OR6J1: variants seen among roughly 807,000 people sequenced by gnomAD.
OR6J1 encodes the protein olfactory receptor 6J1.
For synonymous variants in OR6J1, 109 were observed against 70.0 expected (o/e 1.56, Z -2.78); for missense variants, 304 against 166.8 (o/e 1.82, Z -4.53).
chr14:22,642,339 ATATATATATATAT>A (rs2037658799), intron 1 of OR6J1, among the ~76,000 whole-genome samples: 1 of 70,202 alleles, frequency 1.4e-5, no homozygotes, highest in Non-Finnish European at 3.0e-5. Context: ...ATATATATAT[ATATATATATATAT>A]ATTTGAGATG....
chr14:22,640,945 G>A (rs549108171), intron 1 of OR6J1, among the ~76,000 whole-genome samples: 4 of 151,060 alleles, frequency 2.6e-5, no homozygotes, highest in African/African-American at 7.3e-5. Context: ...GAGGTGGGAG[G>A]ATGACTTAAG....
chr14:22,643,787 AG>A (rs2037670742), intron 1 of OR6J1, among the ~76,000 whole-genome samples: 16 of 150,906 alleles, frequency 1.1e-4, no homozygotes, highest in African/African-American at 3.7e-4. Context: ...AGAGAGAGAG[AG>A]AGAGAGAGAG....
intron 1 of OR6J1, among the ~76,000 whole-genome samples, chr14:22,635,239 G>T (rs2037575859): frequency 6.6e-6 from 1 of 152,000 alleles, no homozygotes. Context: ...TGAAAATTTG[G>T]CAACAACTTT....
chr14:22,634,193 G>A lies in OR6J1; in HGVS notation c.619C>T (p.Leu207Phe). ...MDFMLSSMVILCCIVLVAYSY... is the reference protein window; with the variant it reads ...MDFMLSSMVIFCCIVLVAYSY... ...TAGGCCACGAGGACTATGCAGCAGA[G>A]GATGACCATGGAAGAAAGCATAAAA... Residue 207 changes from leucine to phenylalanine, a missense_variant, in exon 2 of 2, where the codon CTC (leucine) becomes TTC (phenylalanine). Leu to Phe is a conservative substitution (Grantham distance 22). Transcript: ENST00000540461. 1.4e-6 allele frequency: 1 copy of A among 703,490 alleles called. No homozygotes were observed. The highest frequency in any genetic ancestry group is 1.5e-5 in the South Asian group (1 of 67,592). 43.6% of individuals were successfully genotyped at this position (703,490 alleles called of 1,614,324 possible).
rs973734061 is a variant in OR6J1, at chr14:22,644,143, A to G, written c.-73T>C. The G allele has an allele frequency of 2.6e-5, 4 of 152,426 alleles. No homozygotes were observed. The highest frequency in any genetic ancestry group is 2.0e-4 in the Admixed American group (3 of 15,284). 9.4% of individuals were successfully genotyped at this position (152,426 alleles called of 1,614,324 possible). On this transcript the variant is annotated 5_prime_UTR_variant, in exon 1 of 2. Transcript: ENST00000540461. ...GCCACCTCCACGGCTCAGTCTGTTC[A>G]CCTGGGATTTGCTGCCACCTAGGAT... is the stretch of plus-strand genomic sequence containing the variant.
Position 22,630,972 on chromosome 14 carries a change from T to C in OR6J1, c.*2796A>G, listed in dbSNP as rs1203408126. On this transcript the variant is annotated 3_prime_UTR_variant, in exon 2 of 2. Coordinates refer to ENST00000540461, the MANE Select transcript of OR6J1 (RefSeq NM_001348233.2). ...AGCCGGGGGAGACATCACATGTCAC[T>C]AGGTTCCATGATGCCCCCCAAGCCA... The C allele has an allele frequency of 1.3e-5, 2 of 152,110 alleles. No individual in the cohort carries two copies. The highest frequency in any genetic ancestry group is 2.9e-5 in the Non-Finnish European group (2 of 68,014). 9.4% of individuals were successfully genotyped at this position (152,110 alleles called of 1,614,324 possible).
At chr14:22,640,240 TGGAAGGAAGGAAGGAAGCAAGGAAGGAA>T (rs2037633985) in intron 1 of OR6J1, among the ~76,000 whole-genome samples, 1 of 56,550 alleles carries the variant, frequency 1.8e-5, no homozygotes, top group Admixed American at 2.4e-4. Context: ...GAAGGAAGGA[TGGAAGGAAGGAAGGAAGCAAGGAAGGAA>T]GGAAGGAAGG....
At position 22,631,183 on chromosome 14, in the gene OR6J1, T is replaced by C. The variant is rs2037542896; in HGVS notation, c.*2585A>G. 1 of 152,174 alleles carries C rather than the reference T, an allele frequency of 6.6e-6. No individual in the cohort carries two copies. The highest frequency in any genetic ancestry group is 1.5e-5 in the Non-Finnish European group (1 of 68,018). The allele number at this position is 152,174 out of a possible 1,614,324, so 9.4% of individuals were successfully genotyped here. A position where few individuals can be genotyped will look rare whatever the true frequency, so the allele number is the denominator to read the frequency against. On this transcript the variant is annotated 3_prime_UTR_variant, in exon 2 of 2. Transcript: ENST00000540461. ...ATTGCTAATGAAGTTTCGGGCACCA[T>C]TGTCATTGATAACATCTTATCAGGA...
At chr14:22,635,452 T>C (rs1301663729) in intron 1 of OR6J1, among the ~76,000 whole-genome samples, 1 of 152,220 alleles carries the variant, frequency 6.6e-6, no homozygotes, top group Non-Finnish European at 1.5e-5. Flanking sequence ...TAAAGCAAGT[T>C]ACAAACTTGT....
At chr14:22,641,567 A>G (rs969068959) in intron 1 of OR6J1, among the ~76,000 whole-genome samples, 75 of 149,372 alleles carry the variant, frequency 5.0e-4, no homozygotes, top group East Asian at 1.4e-3. Context: ...AGAAAAAGAA[A>G]AAAGAAAGAA....
chr14:22,635,997 G>A (rs1252193463), intron 1 of OR6J1, among the ~76,000 whole-genome samples: 1 of 151,828 alleles, frequency 6.6e-6, no homozygotes, highest in South Asian at 2.1e-4. Flanking sequence ...TAAAGTTAAA[G>A]GCAAATCACA....
chr14:22,643,946 G>C (rs1363593259), intron 1 of OR6J1, among the ~76,000 whole-genome samples, 152 bp downstream of exon 1: 1 of 152,160 alleles, frequency 6.6e-6, no homozygotes, highest in Non-Finnish European at 1.5e-5. Flanking sequence ...ATACATCTTT[G>C]CATAAGGTGC....
In OR6J1 at chr14:22,633,868, A is replaced by C. The variant is rs138534301; in HGVS notation, c.944T>G (p.Met315Arg). The C allele has an allele frequency of 1.4e-6, 1 of 702,824 alleles. No individual in the cohort carries two copies. The highest frequency in any genetic ancestry group is 2.6e-6 in the Non-Finnish European group (1 of 384,840). 43.5% of individuals were successfully genotyped at this position (702,824 alleles called of 1,614,324 possible). ...TAATCTGCTTCTCAGCACTGCCCTC[A>C]TCCTCTTTTCAAAAACTCCTCGAAC... ...VRVRGVFEKR[M>R]RAVLRSRLSS... The change falls in exon 2 of 2, where the codon ATG becomes AGG. Residue 315 changes from methionine to arginine, a missense_variant. Met to Arg is a moderately conservative substitution (Grantham distance 91). Coordinates refer to ENST00000540461, the MANE Select transcript of OR6J1 (RefSeq NM_001348233.2).
At chr14:22,638,981 T>C (rs1410406102) in intron 1 of OR6J1, among the ~76,000 whole-genome samples, 8 of 113,248 alleles carry the variant, frequency 7.1e-5, no homozygotes, top group Non-Finnish European at 1.4e-4. Context: ...CGCCGCCCCA[T>C]CTGGGATGTG....
intron 1 of OR6J1, among the ~76,000 whole-genome samples, chr14:22,641,677 C>A (rs2037654352): frequency 6.6e-6 from 1 of 152,096 alleles, no homozygotes; most frequent in South Asian, 2.1e-4. Context: ...TGTTGTGGGG[C>A]CTGCGATTGA....
In OR6J1 at chr14:22,643,764, CAG is replaced by C. The variant is rs1233027589; in HGVS notation, c.-28+332_-28+333del. On this transcript the variant is annotated intron_variant, in intron 1 of 1. Coordinates refer to ENST00000540461, the MANE Select transcript of OR6J1 (RefSeq NM_001348233.2). ...ACACACACACACACACACACACACACAGAGAGAGAGAGAGAGAGAGAGAGAGA... is the reference window on the plus strand; with the variant it reads ...ACACACACACACACACACACACACACAGAGAGAGAGAGAGAGAGAGAGAGA... Among the ~76,000 whole-genome samples, 343 of 37,654 alleles carry C rather than the reference CAG, an allele frequency of 9.1e-3. 2 individuals are homozygous for C. The highest frequency in any genetic ancestry group is 0.024 in the Middle Eastern group (1 of 42). 24.7% of individuals were successfully genotyped at this position (37,654 alleles called of 152,430 possible). A position where few individuals can be genotyped will look rare whatever the true frequency, so the allele number is the denominator to read the frequency against.
intron 1 of OR6J1, among the ~76,000 whole-genome samples, chr14:22,640,118 C>G (rs1214691788): frequency 1.3e-5 from 2 of 149,540 alleles, no homozygotes; most frequent in African/African-American, 4.9e-5. Context: ...TAATTCTACT[C>G]CTAGGTAGAG....
chr14:22,633,594 C>T lies in OR6J1; in HGVS notation c.*174G>A, dbSNP rs1002393160. ...GATCATCAAGTCCAGCCCTGTTGCA[C>T]TTCAGCTGAGAGTACTGAGAGTCAG... On this transcript the variant is annotated 3_prime_UTR_variant, in exon 2 of 2. Transcript: ENST00000540461. 3.4e-6 allele frequency: 2 copies of T among 585,640 alleles called. No individual in the cohort carries two copies. Among genetic ancestry groups the T allele is most frequent in the South Asian group, 2.2e-5 (1 of 45,894 alleles). The allele number at this position is 585,640 out of a possible 1,614,324, so 36.3% of individuals were successfully genotyped here.
At chr14:22,643,789 AGAGAGAG>A (rs2037670818) in intron 1 of OR6J1, among the ~76,000 whole-genome samples, 17 of 150,758 alleles carry the variant, frequency 1.1e-4, no homozygotes, top group African/African-American at 3.9e-4. Context: ...AGAGAGAGAG[AGAGAGAG>A]AGACAGCAGT....
Sources: allele counts gnomAD v4.1 joint callset (sites outside exome capture counted in the v4.1 genomes callset), GRCh38; gene constraint gnomAD v4.1.1; transcripts MANE v1.5; gene names NCBI Gene and HGNC (gene_info 2026-07-23, HGNC 2026-07-21).